The following SARDH variants were observed in gnomAD, a reference collection of about 807,000 sequenced individuals.
The protein encoded by SARDH is sarcosine dehydrogenase.
Under a neutral mutation model 109.1 loss-of-function variants are expected in SARDH, and 95 were observed. The observed-to-expected ratio is 0.87, with a 90% confidence interval of 0.74 to 1.03. The LOEUF is 1.03. Ranked by LOEUF, SARDH falls within the 50% of genes least tolerant of loss-of-function variation. SARDH has a pLI of 0.00. For synonymous variants in SARDH, 572 were observed against 534.8 expected (o/e 1.07, Z -0.96); for missense variants, 1,267 against 1,287.8 (o/e 0.98, Z 0.25).
rs547196212 is a variant in SARDH, at chr9:133,702,779, A to G, written c.1668+137T>C. 108 of 712,634 alleles carry G rather than the reference A, an allele frequency of 1.5e-4. 1 individual carries two copies. In the East Asian group the frequency reaches 2.0e-3, roughly 13 times the overall value. 44.1% of individuals were successfully genotyped at this position (712,634 alleles called of 1,614,324 possible). ...TTCCTCCTCAAAATGGAGTCAGCCG[A>G]AAAAAGCGTGAATGCAGAGCCCGAA... On this transcript the variant is annotated intron_variant, in intron 13 of 20. Coordinates refer to ENST00000439388, the MANE Select transcript of SARDH (RefSeq NM_001134707.2).
At chr9:133,715,588 C>T (rs948731699) in intron 8 of SARDH, among the ~76,000 whole-genome samples, 1 of 152,148 alleles carries the variant, frequency 6.6e-6, no homozygotes, top group Non-Finnish European at 1.5e-5. Context: ...AGATGCTGAG[C>T]GTGCCAGGAC....
chr9:133,732,351 C>G, intron 3 of SARDH, 72 bp downstream of exon 3: 1 of 1,183,110 alleles, frequency 8.5e-7, no homozygotes, highest in Non-Finnish European at 1.2e-6. Context: ...GTGCACCCAC[C>G]AATATGACCC....
At chr9:133,700,044 T>C (rs949199517) in intron 13 of SARDH, among the ~76,000 whole-genome samples, 3 of 152,154 alleles carry the variant, frequency 2.0e-5, no homozygotes, top group Admixed American at 6.5e-5. Flanking sequence ...AGGAATGAAG[T>C]GGCCTGGCAT....
intron 6 of SARDH, among the ~76,000 whole-genome samples, chr9:133,721,493 A>C (rs1832323634): frequency 6.6e-6 from 1 of 152,202 alleles, no homozygotes; most frequent in African/African-American, 2.4e-5. Flanking sequence ...AAGAAAATAA[A>C]CCCAGAAAGA....
intron 17 of SARDH, among the ~76,000 whole-genome samples, chr9:133,681,968 A>G (rs1052907544): frequency 7.1e-6 from 1 of 139,996 alleles, no homozygotes; most frequent in Non-Finnish European, 1.5e-5. Context: ...CTTCTCTCCC[A>G]CTCCGCCTGA....
At chr9:133,723,697 AGCTTGC>A in intron 6 of SARDH, among the ~76,000 whole-genome samples, 1 of 152,374 alleles carries the variant, frequency 6.6e-6, no homozygotes. Context: ...CAGGAGGCAG[AGCTTGC>A]AGTGAGCAGA....
rs535847441 is a variant in SARDH, at chr9:133,709,976, G to A, written c.1329-1548C>T. 4.1e-4 allele frequency among the ~76,000 whole-genome samples: 62 copies of A among 152,302 alleles called. No homozygotes were observed. The highest frequency in any genetic ancestry group is 1.3e-3 in the African/African-American group (55 of 41,560). On this transcript the variant is annotated intron_variant, in intron 10 of 20. Coordinates refer to ENST00000439388, the MANE Select transcript of SARDH (RefSeq NM_001134707.2). The surrounding 1 kb of genome is among the most constrained non-coding windows in gnomAD (Gnocchi z 4.2). ...TGGGGGCAGCAGTGAGGTGCACGTCGGGTGGCAGGAGCAGCGAGTGACCTA... is the reference window on the plus strand; with the variant it reads ...TGGGGGCAGCAGTGAGGTGCACGTCAGGTGGCAGGAGCAGCGAGTGACCTA...
chr9:133,676,300 C>T (rs1025923293), intron 17 of SARDH, among the ~76,000 whole-genome samples: 3 of 152,130 alleles, frequency 2.0e-5, no homozygotes, highest in African/African-American at 7.2e-5. Context: ...ATATGAGGTC[C>T]CTGGAGTCAC....
At chr9:133,671,498 C>A in intron 18 of SARDH, 37 bp downstream of exon 18, 1 of 1,522,814 alleles carries the variant, frequency 6.6e-7, no homozygotes, top group Non-Finnish European at 8.8e-7. Flanking sequence ...CCCACTGCGC[C>A]CGCCCCCGCC....
chr9:133,663,802 G>GC lies in SARDH; in HGVS notation c.*86dup. The GC allele has an allele frequency of 6.4e-7, 1 of 1,552,548 alleles. No homozygotes were observed. The highest frequency in any genetic ancestry group is 8.8e-7 in the Non-Finnish European group (1 of 1,140,900). On this transcript the variant is annotated 3_prime_UTR_variant, in exon 21 of 21. Transcript: ENST00000439388. ...AAGGACAGGGAGGGCACAAGTTCTG[G>GC]CTGGGTCCAGGGTCCTGGGACCCAG...
At chr9:133,695,262 G>A (rs10117985) in intron 14 of SARDH, among the ~76,000 whole-genome samples, 13,137 of 152,134 alleles carry the variant, frequency 0.086, 1,931 homozygotes, top group African/African-American at 0.3. Context: ...GGCCAATATG[G>A]CGAAACCCCG....
At chr9:133,689,971 G>A (rs922152900) in intron 16 of SARDH, among the ~76,000 whole-genome samples, 9 of 152,184 alleles carry the variant, frequency 5.9e-5, no homozygotes, top group East Asian at 5.8e-4. Context: ...GGGTGTTTCC[G>A]GAGGAGCCAG....
intron 17 of SARDH, among the ~76,000 whole-genome samples, chr9:133,672,141 G>A (rs1186189230): frequency 1.3e-5 from 2 of 151,572 alleles, no homozygotes. Flanking sequence ...GCCTCCTCCC[G>A]AGCACCTCCC....
rs1281347413 is a variant in SARDH, at chr9:133,709,683, G to A, written c.1329-1255C>T. ...GATATTATCATTAACAGCTGCTGTC[G>A]CTTATGGCACCCAGCTCCAGTGCAG... On this transcript the variant is annotated intron_variant, in intron 10 of 20. Coordinates refer to ENST00000439388, the MANE Select transcript of SARDH (RefSeq NM_001134707.2). This position sits in a 1 kb window ranked among gnomAD's most constrained non-coding sequence, Gnocchi z 4.2. Among the ~76,000 whole-genome samples the A allele has an allele frequency of 1.3e-5, 2 of 152,136 alleles. No individual in the cohort carries two copies. Among genetic ancestry groups the A allele is most frequent in the African/African-American group, 2.4e-5 (1 of 41,430 alleles).
rs1357309682 is a variant in SARDH at position 133,733,874 on chromosome 9, C to T, written c.300G>A (p.Arg100=). The change falls in exon 2 of 21, where the codon CGG becomes CGA. Residue 100 remains arginine, a synonymous_variant. Coordinates refer to ENST00000439388, the MANE Select transcript of SARDH (RefSeq NM_001134707.2). ...MSGAVLLERE[R]LTSGTTWHTA... is the part of the protein sequence containing the mutation. ...TGTGCCAGGTGGTCCCGGAGGTCAG[C>T]CGCTCCCGCTCCAGCAGCACCGCCC... The T allele has an allele frequency of 1.3e-6, 2 of 1,487,308 alleles. No homozygotes were observed. Among genetic ancestry groups the T allele is most frequent in the South Asian group, 1.4e-5 (1 of 71,632 alleles). The allele number at this position is 1,487,308 out of a possible 1,614,324, so 92.1% of individuals were successfully genotyped here. A position where few individuals can be genotyped will look rare whatever the true frequency, so the allele number is the denominator to read the frequency against.
chr9:133,713,015 G>T, intron 9 of SARDH, 23 bp downstream of exon 9: 1 of 1,596,168 alleles, frequency 6.3e-7, no homozygotes, highest in Non-Finnish European at 8.5e-7. Context: ...TTGGGGGCCA[G>T]GAGGGCTGCT....
rs571586959 is a variant in SARDH, at chr9:133,705,088, G to A, written c.1471-57C>T. On this transcript the variant is annotated intron_variant, in intron 11 of 20. Transcript: ENST00000439388. ...CGCATGGCCTGATACCCCTGCGCAG[G>A]GCAGAGAGCCACATCCGCCACTTTA... The A allele has an allele frequency of 1.7e-5, 26 of 1,499,946 alleles. No homozygotes were observed. In the East Asian group the frequency reaches 3.9e-4, roughly 23 times the overall value. The allele number at this position is 1,499,946 out of a possible 1,614,324, so 92.9% of individuals were successfully genotyped here.
rs1235660340 is a variant in SARDH at position 133,696,346 on chromosome 9, G to A, written c.1684C>T (p.Leu562=). ...PHHDTIKKEC[L]ACRGAAAVFD... is the part of the protein sequence containing the mutation. Reference sequence around the variant, plus strand: ...ACAGCGGCGGCCCCTCTGCAGGCCAGGCACTCCTTCTTGATCTGAAAAGTT... The same window carrying A: ...ACAGCGGCGGCCCCTCTGCAGGCCAAGCACTCCTTCTTGATCTGAAAAGTT... Residue 562 remains leucine, a synonymous_variant, in exon 14 of 21, where the codon CTG becomes TTG. Coordinates refer to ENST00000439388, the MANE Select transcript of SARDH (RefSeq NM_001134707.2). 3.1e-6 allele frequency: 5 copies of A among 1,614,062 alleles called. No homozygotes were observed. The highest frequency in any genetic ancestry group is 3.4e-6 in the Non-Finnish European group (4 of 1,180,026).
intron 11 of SARDH, 26 bp from the exon 12 acceptor site, chr9:133,705,057 C>T (rs1831638691): frequency 1.3e-6 from 2 of 1,568,806 alleles, no homozygotes; most frequent in African/African-American, 2.7e-5. Flanking sequence ...GAACAGGCAT[C>T]TGTCACGCAT....
Sources: gnomAD v4.1 joint callset for allele counts (sites outside exome capture counted in the v4.1 genomes callset) on GRCh38, gnomAD v4.1.1 for gene constraint, Gnocchi (gnomAD v3.1) non-coding constraint, MANE v1.5 for transcripts, NCBI Gene and HGNC (gene_info 2026-07-23, HGNC 2026-07-21) for gene names.